CCT7: variants seen among roughly 807,000 people sequenced by gnomAD.
The protein encoded by CCT7 is chaperonin containing TCP1 subunit 7.
A neutral mutation model predicts 56.6 loss-of-function variants in CCT7; 16 were observed. That is an observed-to-expected ratio of 0.28 (90% CI 0.19 to 0.43). The LOEUF (loss-of-function observed/expected upper bound fraction) is 0.43. Among genes scored for constraint, CCT7 ranks in the 20% least tolerant of loss-of-function variants. CCT7 has a pLI of 1.00. For missense variants in CCT7, 519 were observed against 685.6 expected (o/e 0.76, Z 2.71); for synonymous variants, 262 against 254.8 (o/e 1.03, Z -0.27).
intron 6 of CCT7, among the ~76,000 whole-genome samples, chr2:73,246,160 TTTAC>T (rs1687325559): frequency 6.6e-6 from 1 of 152,254 alleles, no homozygotes; most frequent in Non-Finnish European, 1.5e-5. Flanking sequence ...GTAGTGATTA[TTTAC>T]TTGTTACCAG....
intron 1 of CCT7, among the ~76,000 whole-genome samples, chr2:73,236,116 C>T (rs888790174): frequency 6.6e-6 from 1 of 152,372 alleles, no homozygotes; most frequent in African/African-American, 2.4e-5. Context: ...CCCCTGAAAC[C>T]TCAGTCCTGT....
At position 73,246,107 on chromosome 2, in the gene CCT7, C is replaced by T. The variant is rs184119192; in HGVS notation, c.618+1392C>T. ...CGTTTTTCCGAGACTGTCCTACATT[C>T]GTTAAATACATACAAACCTGACCCA... On this transcript the variant is annotated intron_variant, in intron 6 of 11. Transcript: ENST00000258091. 2.0e-3 allele frequency among the ~76,000 whole-genome samples: 307 copies of T among 152,308 alleles called. 4 individuals are homozygous for T. Among genetic ancestry groups the T allele is most frequent in the Non-Finnish European group, 6.2e-4 (42 of 68,028 alleles).
intron 10 of CCT7, among the ~76,000 whole-genome samples, chr2:73,250,864 C>T (rs915886319): frequency 7.3e-5 from 11 of 151,698 alleles, no homozygotes; most frequent in African/African-American, 2.4e-4. Context: ...GCCTTGAGCC[C>T]AGGAGTTGGA....
intron 1 of CCT7, chr2:73,235,578 C>T (rs916873375): frequency 3.0e-6 from 3 of 1,001,702 alleles, no homozygotes; most frequent in African/African-American, 1.7e-5. Context: ...TCGTCTTCAT[C>T]TTCTGTGCAG....
chr2:73,237,286 G>C (rs772634672), intron 1 of CCT7, among the ~76,000 whole-genome samples: 5 of 152,216 alleles, frequency 3.3e-5, no homozygotes, highest in Non-Finnish European at 5.9e-5. Context: ...GAAGATGGCA[G>C]AGTGACTATT....
chr2:73,252,014 TACTG>T (rs1420232726), intron 11 of CCT7, among the ~76,000 whole-genome samples: 2 of 147,444 alleles, frequency 1.4e-5, no homozygotes, highest in African/African-American at 5.1e-5. Flanking sequence ...TGGAAGCACA[TACTG>T]ACCACATGGA....
intron 11 of CCT7, among the ~76,000 whole-genome samples, chr2:73,252,367 G>T (rs185947903): frequency 8.5e-4 from 118 of 138,942 alleles, no homozygotes; most frequent in Middle Eastern, 7.4e-3. Context: ...CAGGTGACCT[G>T]AGGATGGGGC....
intron 6 of CCT7, among the ~76,000 whole-genome samples, chr2:73,246,383 C>T (rs1015194968): frequency 6.6e-6 from 1 of 152,262 alleles, no homozygotes; most frequent in African/African-American, 2.4e-5. Flanking sequence ...GAAAACCCTT[C>T]TGACTCCAGC....
Position 73,239,811 on chromosome 2 carries a change from T to C in CCT7, c.160+15T>C, listed in dbSNP as rs1374221498. On this transcript the variant is annotated intron_variant, in intron 2 of 11. Coordinates refer to ENST00000258091, the MANE Select transcript of CCT7 (RefSeq NM_006429.4). ...AGATGGCAGAGGTAAGTCTACAGAGTTCCTCAGGCCTGTGTGCAGGAAAGG... is the reference window on the plus strand; with the variant it reads ...AGATGGCAGAGGTAAGTCTACAGAGCTCCTCAGGCCTGTGTGCAGGAAAGG... The C allele has an allele frequency of 6.2e-7, 1 of 1,613,112 alleles. No individual in the cohort carries two copies. The highest frequency in any genetic ancestry group is 8.5e-7 in the Non-Finnish European group (1 of 1,179,412).
chr2:73,252,580 T>C, intron 11 of CCT7, 60 bp from the exon 12 acceptor site: 1 of 1,376,422 alleles, frequency 7.3e-7, no homozygotes, highest in South Asian at 1.2e-5. Context: ...GAGTACCAGT[T>C]TACAAGAGGA....
At chr2:73,244,166 C>T (rs1687232759) in intron 5 of CCT7, 117 bp downstream of exon 5, 25 of 1,040,290 alleles carry the variant, frequency 2.4e-5, no homozygotes, top group Non-Finnish European at 3.4e-5. Context: ...TCCCAAAGTG[C>T]TGGGATTACA....
chr2:73,240,949 T>C (rs1450882021), intron 3 of CCT7, among the ~76,000 whole-genome samples: 1 of 151,394 alleles, frequency 6.6e-6, no homozygotes, highest in African/African-American at 2.4e-5. Context: ...TTTCCCAGGT[T>C]GGCCTTGAAC....
chr2:73,251,519 G>A (rs1032195999), intron 11 of CCT7, 87 bp downstream of exon 11: 42 of 1,208,424 alleles, frequency 3.5e-5, no homozygotes, highest in Admixed American at 7.7e-5. Context: ...AGCTGTGCAC[G>A]CCTGGCCCAG....
At chr2:73,248,289 A>T (rs1574362461) in intron 7 of CCT7, among the ~76,000 whole-genome samples, 2 of 151,176 alleles carry the variant, frequency 1.3e-5, no homozygotes, top group Middle Eastern at 3.5e-3. Flanking sequence ...TGTTGATGTT[A>T]CCCAGGCTAC....
At chr2:73,247,677 G>A in intron 6 of CCT7, 85 bp from the exon 7 acceptor site, 2 of 1,154,532 alleles carry the variant, frequency 1.7e-6, no homozygotes, top group Non-Finnish European at 2.5e-6. Context: ...TCACAGGAAT[G>A]GATAAGCACT....
chr2:73,240,537 T>C lies in CCT7; in HGVS notation c.261T>C (p.Asp87=). 10 of 1,588,048 alleles carry C rather than the reference T, an allele frequency of 6.3e-6. No homozygotes were observed. The highest frequency in any genetic ancestry group is 1.1e-5 in the South Asian group (1 of 89,050). ...KTLVDIAKSQ[D]AEVGDGTTSV... is the part of the protein sequence containing the mutation. ...TGGTAGACATTGCCAAATCCCAAGA[T>C]GCTGAGGTAGGAAAATAGTTGTGTG... is the stretch of plus-strand genomic sequence containing the variant. The change falls in exon 3 of 12, where the codon GAT becomes GAC. Residue 87 remains aspartate, a synonymous_variant. Coordinates refer to ENST00000258091, the MANE Select transcript of CCT7 (RefSeq NM_006429.4).
rs1687569405 is a variant in CCT7, at chr2:73,251,304, C to T, written c.1282C>T (p.Pro428Ser). 1 of 1,614,160 alleles carries T rather than the reference C, an allele frequency of 6.2e-7. No homozygotes were observed. Among genetic ancestry groups the T allele is most frequent in the Non-Finnish European group, 8.5e-7 (1 of 1,180,012 alleles). The stretch of plus-strand genomic sequence containing the variant: ...CCTGCGGGATTACTCAAGGACTATT[C>T]CAGGAAAACAGCAGCTGTTGATTGG... ...KYLRDYSRTI[P>S]GKQQLLIGAY... The change falls in exon 11 of 12, where the codon CCA becomes TCA. Residue 428 changes from proline to serine, a missense_variant. Pro to Ser is a moderately conservative substitution (Grantham distance 74). This residue lies in a region of CCT7 where 237 missense variants were observed against 300.8 expected (regional missense o/e 0.79). Coordinates refer to ENST00000258091, the MANE Select transcript of CCT7 (RefSeq NM_006429.4).
intron 1 of CCT7, among the ~76,000 whole-genome samples, chr2:73,235,272 G>A (rs1208407098): frequency 1.3e-5 from 2 of 152,104 alleles, no homozygotes; most frequent in South Asian, 4.1e-4. Flanking sequence ...AGCCTCGATG[G>A]TATCTCCTGG....
intron 1 of CCT7, among the ~76,000 whole-genome samples, chr2:73,235,180 A>G (rs370417810): frequency 6.6e-6 from 1 of 152,096 alleles, no homozygotes; most frequent in South Asian, 2.1e-4. Context: ...TCCTGGAGCC[A>G]CCTAAAGTGC....
Sources: gnomAD v4.1 joint callset for allele counts (sites outside exome capture counted in the v4.1 genomes callset) on GRCh38, gnomAD v4.1.1 for gene constraint, gnomAD v4.1.1 regional missense constraint, MANE v1.5 for transcripts, NCBI Gene and HGNC (gene_info 2026-07-23, HGNC 2026-07-21) for gene names.